KDM5C: variants seen among roughly 807,000 people sequenced by gnomAD.
The protein encoded by KDM5C is lysine-specific demethylase 5C.
In KDM5C, 16 loss-of-function variants were observed where a neutral mutation model predicts 110.6. The ratio of observed to expected loss-of-function variants is 0.14; its 90% CI spans 0.10 to 0.22. The LOEUF (loss-of-function observed/expected upper bound fraction) is 0.22. KDM5C is among the 10% of genes least tolerant of loss of function. The pLI, the probability that KDM5C is intolerant of heterozygous loss-of-function variation, is 1.00. For missense variants in KDM5C, 681 were observed against 1,300.9 expected (o/e 0.52, Z 7.33); for synonymous variants, 511 against 520.4 (o/e 0.98, Z 0.24).
intron 12 of KDM5C, among the ~76,000 whole-genome samples, chrX:53,204,048 C>A (rs1452409595): frequency 9.0e-6 from 1 of 111,015 alleles, no homozygotes; most frequent in African/African-American, 3.3e-5. Flanking sequence ...GCACTGGCCT[C>A]TCAGTTGTTA....
rs137982518 is a variant in KDM5C at position 53,205,428 on chromosome X, C to T, written c.1747-3455G>A. Among the ~76,000 whole-genome samples the T allele has an allele frequency of 2.6e-3, 294 of 112,394 alleles. 2 individuals carry two copies. The highest frequency in any genetic ancestry group is 4.7e-3 in the Non-Finnish European group (251 of 53,256). ...TCTCAAATCTATCTCTACTTAGAGG[C>T]AACATCAGCATTTCTTTCTTACCTG... On this transcript the variant is annotated intron_variant, in intron 12 of 25. Transcript: ENST00000375401.
chrX:53,193,789 C>G lies in KDM5C; in HGVS notation c.4101G>C (p.Glu1367Asp), dbSNP rs1934604689. ...TAGACCTACCTCTCTTACCTGAGCC[C>G]TCCTCCGGGGCTACCTTCTCAGGAC... ...VTSPEKVAPE[E>D]GSGKRDLELL... Residue 1367 changes from glutamate to aspartate, a missense_variant, in exon 24 of 26, where the codon GAG (glutamate) becomes GAC (aspartate). Coordinates refer to ENST00000375401, the MANE Select transcript of KDM5C (RefSeq NM_004187.5). 8.3e-7 allele frequency: 1 copy of G among 1,209,025 alleles called. No homozygotes were observed. Among genetic ancestry groups the G allele is most frequent in the African/African-American group, 1.7e-5 (1 of 57,164 alleles).
At chrX:53,223,089 C>T (rs1238963669) in intron 1 of KDM5C, among the ~76,000 whole-genome samples, 1 of 112,119 alleles carries the variant, frequency 8.9e-6, no homozygotes, top group Non-Finnish European at 1.9e-5. Context: ...GCCATGCACA[C>T]CTGGGACATG....
intron 12 of KDM5C, chrX:53,202,432 T>C (rs113114462): frequency 0.018 from 2,532 of 143,754 alleles, 48 homozygotes; most frequent in African/African-American, 0.066. Context: ...ATAACTACCT[T>C]AAATAACATG....
Position 53,196,851 on chromosome X carries a change from G to A in KDM5C, c.2816C>T (p.Ala939Val). ...RWLDEVKRTL[A>V]PSARRGTLAV... is the part of the protein sequence containing the mutation. ...CAAGGTGCCCCTTCGGGCTGAGGGGGCCAGTGTGCGTTTCACCTCATCCAG... is the reference window on the plus strand; with the variant it reads ...CAAGGTGCCCCTTCGGGCTGAGGGGACCAGTGTGCGTTTCACCTCATCCAG... Residue 939 changes from alanine to valine, a missense_variant, in exon 19 of 26, where the codon GCC (alanine) becomes GTC (valine). By Grantham distance (64) the Ala-to-Val change is moderately conservative. Transcript: ENST00000375401. The A allele has an allele frequency of 8.3e-7, 1 of 1,207,372 alleles. No homozygotes were observed. The highest frequency in any genetic ancestry group is 1.1e-6 in the Non-Finnish European group (1 of 892,958).
intron 25 of KDM5C, among the ~76,000 whole-genome samples, chrX:53,177,509 T>C (rs1011387703): frequency 8.9e-6 from 1 of 112,982 alleles, no homozygotes; most frequent in East Asian, 2.8e-4. Context: ...GTGTTAGGTG[T>C]ACTAATCGTT....
At chrX:53,205,619 T>G (rs1424860320) in intron 12 of KDM5C, among the ~76,000 whole-genome samples, 5 of 112,415 alleles carry the variant, frequency 4.4e-5, no homozygotes, top group Non-Finnish European at 9.4e-5. Flanking sequence ...CAGGGATCAC[T>G]GCTCCTACAA....
downstream of KDM5C, among the ~76,000 whole-genome samples, chrX:53,188,893 C>A (rs1397688275): frequency 1.8e-5 from 2 of 110,954 alleles, no homozygotes; most frequent in African/African-American, 3.3e-5. Flanking sequence ...GACCCCCAGC[C>A]AACAGCCAGC....
intron 25 of KDM5C, among the ~76,000 whole-genome samples, chrX:53,182,083 T>A (rs2062939093): frequency 9.3e-6 from 1 of 108,033 alleles, no homozygotes; most frequent in Non-Finnish European, 1.9e-5. Context: ...CCACCCTTTT[T>A]TGTTTTTTTT....
intron 1 of KDM5C, among the ~76,000 whole-genome samples, chrX:53,224,205 CTAAA>C (rs2073971913): frequency 8.9e-6 from 1 of 111,979 alleles, no homozygotes; most frequent in African/African-American, 3.3e-5. Flanking sequence ...ATTCAATCCT[CTAAA>C]TAACCATTTC....
intron 23 of KDM5C, 98 bp downstream of exon 23, chrX:53,194,041 A>T: frequency 9.1e-7 from 1 of 1,101,320 alleles, no homozygotes; most frequent in Non-Finnish European, 1.2e-6. Context: ...GTCCAAAGAA[A>T]ACTGAAAATT....
intron 14 of KDM5C, among the ~76,000 whole-genome samples, chrX:53,199,492 G>A (rs1236791704): frequency 1.8e-5 from 2 of 111,866 alleles, no homozygotes; most frequent in Non-Finnish European, 3.8e-5. Context: ...GGCAATGAGT[G>A]CAAGTGGCCA....
intron 1 of KDM5C, among the ~76,000 whole-genome samples, chrX:53,221,985 T>G (rs2073909170): frequency 8.9e-6 from 1 of 111,785 alleles, no homozygotes; most frequent in Admixed American, 9.5e-5. Flanking sequence ...TGGCTCCTGC[T>G]GGGGTGGTGA....
intron 18 of KDM5C, 116 bp from the exon 19 acceptor site, chrX:53,197,160 G>A: frequency 1.8e-6 from 1 of 563,986 alleles, no homozygotes; most frequent in Non-Finnish European, 2.9e-6. Context: ...TGGGGCAAAG[G>A]AGCCTAACAT....
chrX:53,192,869 A>ACACC lies in KDM5C; in HGVS notation c.*97_*98insGGTG. ...GGGTAGCAGGGATGGCCACCCCCCT[A>ACACC]CCCGCCCACCCCCCAAGAAGCAGGC... On this transcript the variant is annotated 3_prime_UTR_variant, in exon 26 of 26. Coordinates refer to ENST00000375401, the MANE Select transcript of KDM5C (RefSeq NM_004187.5). The ACACC allele has an allele frequency of 1.1e-5, 2 of 179,887 alleles. No individual in the cohort carries two copies. Among genetic ancestry groups the ACACC allele is most frequent in the Non-Finnish European group, 1.8e-5 (2 of 112,556 alleles). The allele number at this position is 179,887 out of a possible 1,213,427, so 14.8% of individuals were successfully genotyped here. A position where few individuals can be genotyped will look rare whatever the true frequency, so the allele number is the denominator to read the frequency against.
intron 25 of KDM5C, among the ~76,000 whole-genome samples, chrX:53,182,092 T>G (rs79433684): frequency 2.8e-5 from 3 of 107,762 alleles, no homozygotes; most frequent in African/African-American, 1.0e-4. Context: ...TTTGTTTTTT[T>G]TTTTTTTTTG....
chrX:53,219,733 C>G (rs1309273697), intron 2 of KDM5C, among the ~76,000 whole-genome samples: 2 of 112,327 alleles, frequency 1.8e-5, no homozygotes, highest in Admixed American at 1.9e-4. Flanking sequence ...GCTGTGAGAA[C>G]TCTCAAAGGG....
chrX:53,199,274 T>C, intron 14 of KDM5C, 116 bp from the exon 15 acceptor site: 2 of 764,139 alleles, frequency 2.6e-6, no homozygotes, highest in Non-Finnish European at 4.0e-6. Flanking sequence ...GTCATGGGGT[T>C]TAAGAGGCCA....
chrX:53,191,433 T>C (rs1364211814), downstream of KDM5C: 1 of 174,023 alleles, frequency 5.7e-6, no homozygotes, highest in African/African-American at 3.0e-5. Flanking sequence ...GAAAATGTTC[T>C]GAAATTTTTT....
Sources: allele counts gnomAD v4.1 joint callset (sites outside exome capture counted in the v4.1 genomes callset), GRCh38; gene constraint gnomAD v4.1.1; transcripts MANE v1.5; gene names NCBI Gene and HGNC (gene_info 2026-07-23, HGNC 2026-07-21).